ZNF608: variants seen among roughly 807,000 people sequenced by gnomAD.
The protein encoded by ZNF608 is renal carcinoma antigen NY-REN-36.
ZNF608 carries 12 observed loss-of-function variants against 109.0 expected under a neutral mutation model. The observed-to-expected ratio is 0.11, with a 90% confidence interval of 0.07 to 0.18. ZNF608 has a LOEUF of 0.18. Ranked by LOEUF, ZNF608 falls within the 10% of genes least tolerant of loss-of-function variation. The pLI, the probability that ZNF608 is intolerant of heterozygous loss-of-function variation, is 1.00. For synonymous variants in ZNF608, 732 were observed against 717.4 expected (o/e 1.02, Z -0.33); for missense variants, 1,707 against 1,879.3 (o/e 0.91, Z 1.70).
intron 3 of ZNF608, among the ~76,000 whole-genome samples, chr5:124,662,440 A>G (rs1215432621): frequency 6.6e-6 from 1 of 152,250 alleles, no homozygotes; most frequent in Non-Finnish European, 1.5e-5. Context: ...AGTGCTTCGC[A>G]CTGGGGACTA....
At chr5:124,728,651 T>C (rs1044556848) in intron 2 of ZNF608, among the ~76,000 whole-genome samples, 2 of 152,218 alleles carry the variant, frequency 1.3e-5, no homozygotes, top group African/African-American at 4.8e-5. Flanking sequence ...TAATCAAATA[T>C]GACAGCAATT....
chr5:124,661,392 A>G (rs1027094948), intron 3 of ZNF608, among the ~76,000 whole-genome samples: 23 of 151,740 alleles, frequency 1.5e-4, no homozygotes, highest in African/African-American at 5.6e-4. Context: ...TCCAATTCCC[A>G]TCTGGACCCA....
At chr5:124,720,569 G>C (rs1753864087) in intron 2 of ZNF608, among the ~76,000 whole-genome samples, 1 of 152,184 alleles carries the variant, frequency 6.6e-6, no homozygotes, top group African/African-American at 2.4e-5. Flanking sequence ...ATACTGAAAA[G>C]TATACTTTTT....
chr5:124,747,162 T>C (rs552921699), upstream of ZNF608, among the ~76,000 whole-genome samples: 1 of 151,400 alleles, frequency 6.6e-6, no homozygotes, highest in African/African-American at 2.4e-5. Flanking sequence ...ATAAGGTTTT[T>C]GTTTTCTTTT....
At position 124,641,319 on chromosome 5, in the gene ZNF608, G is replaced by T; in HGVS notation, c.4383C>A (p.His1461Gln). 8.1e-6 allele frequency: 13 copies of T among 1,614,054 alleles called. No homozygotes were observed. Among genetic ancestry groups the T allele is most frequent in the Non-Finnish European group, 1.1e-5 (13 of 1,180,038 alleles). ...TGCCAACGTGGGTGTGGTGGTGCGT[G>T]TGCAGGTGCCGCTGGCCGAAGGGGG... is the stretch of plus-strand genomic sequence containing the variant. ...RHSPFGQRHL[H>Q]THHHTHVGMG... Residue 1461 changes from histidine (H) to glutamine (Q), a missense_variant, in exon 8 of 10, where the codon CAC (histidine) becomes CAA (glutamine). By Grantham distance (24) the His-to-Gln change is conservative. Transcript: ENST00000513986.
At chr5:124,717,572 TTAAC>T (rs1753754129) in intron 2 of ZNF608, among the ~76,000 whole-genome samples, 1 of 152,246 alleles carries the variant, frequency 6.6e-6, no homozygotes, top group Non-Finnish European at 1.5e-5. Flanking sequence ...TAAGCAAAGA[TTAAC>T]TAATGTTAGC....
At chr5:124,660,648 G>A (rs1427469757) in intron 3 of ZNF608, among the ~76,000 whole-genome samples, 1 of 152,174 alleles carries the variant, frequency 6.6e-6, no homozygotes, top group African/African-American at 2.4e-5. Flanking sequence ...TTCATCTTGA[G>A]CTAACCTAAA....
At chr5:124,720,896 C>A (rs1753876835) in intron 2 of ZNF608, among the ~76,000 whole-genome samples, 1 of 146,082 alleles carries the variant, frequency 6.8e-6, no homozygotes, top group Admixed American at 7.0e-5. Flanking sequence ...CAAGGTCACA[C>A]CTAAGCTATA....
chr5:124,721,971 A>AAAAAAAAAAAAAAAAAAAAAAAAAC (rs1463656704), intron 2 of ZNF608, among the ~76,000 whole-genome samples: 1 of 145,670 alleles, frequency 6.9e-6, no homozygotes. Context: ...AAAAAAAAAA[A>AAAAAAAAAAAAAAAAAAAAAAAAAC]AGAACTCAAA....
Position 124,647,571 on chromosome 5 carries a change from G to A in ZNF608, c.2813C>T (p.Ala938Val), listed in dbSNP as rs775304494. 38 of 1,614,074 alleles carry A rather than the reference G, an allele frequency of 2.4e-5. No individual in the cohort carries two copies. The highest frequency in any genetic ancestry group is 3.1e-5 in the Non-Finnish European group (36 of 1,180,042). The change falls in exon 5 of 10, where the codon GCC becomes GTC. Residue 938 changes from alanine (A) to valine (V), a missense_variant. By Grantham distance (64) the Ala-to-Val change is moderately conservative. Transcript: ENST00000513986. ...AGCAGCATCAGATATGTCTGAATAG[G>A]CCGGGCTGCTTGTCTTTGCAGCTGA... ...ESSAAKTSSPAYSDISDAADD... is the reference protein window; with the variant it reads ...ESSAAKTSSPVYSDISDAADD...
At position 124,637,667 on chromosome 5, in the gene ZNF608, T is replaced by TA. The variant is rs1561524534; in HGVS notation, c.*232_*233insT. ...CAAAAAGTAAAGAATATATTTATAT[T>TA]TATATATATATATATGTATATATAC... On this transcript the variant is annotated 3_prime_UTR_variant, in exon 10 of 10. Transcript: ENST00000513986. 5 of 174,562 alleles carry TA rather than the reference T, an allele frequency of 2.9e-5. No individual in the cohort carries two copies. The highest frequency in any genetic ancestry group is 7.3e-5 in the African/African-American group (3 of 41,038). 10.8% of individuals were successfully genotyped at this position (174,562 alleles called of 1,614,324 possible). A position where few individuals can be genotyped will look rare whatever the true frequency, so the allele number is the denominator to read the frequency against.
chr5:124,734,053 A>G (rs1749032599), intron 2 of ZNF608, among the ~76,000 whole-genome samples: 2 of 152,208 alleles, frequency 1.3e-5, no homozygotes, highest in South Asian at 4.1e-4. Flanking sequence ...TTACATGTGC[A>G]GTTCTTACTC....
chr5:124,722,690 T>C (rs1334543027), intron 2 of ZNF608, among the ~76,000 whole-genome samples: 1 of 150,876 alleles, frequency 6.6e-6, no homozygotes, highest in African/African-American at 2.4e-5. Context: ...GGGTTGAGGG[T>C]TGGAGAAGAT....
intron 2 of ZNF608, among the ~76,000 whole-genome samples, chr5:124,733,864 T>C (rs1270543450): frequency 2.0e-5 from 3 of 152,192 alleles, no homozygotes; most frequent in Non-Finnish European, 4.4e-5. Context: ...TTAAATAACA[T>C]ATACCCTATA....
At chr5:124,661,545 C>G (rs1365548638) in intron 3 of ZNF608, among the ~76,000 whole-genome samples, 1 of 151,514 alleles carries the variant, frequency 6.6e-6, no homozygotes, top group African/African-American at 2.4e-5. Context: ...GAGACCAGCT[C>G]TTTTCTGTAA....
intron 3 of ZNF608, among the ~76,000 whole-genome samples, chr5:124,692,365 G>T (rs144529896): frequency 2.6e-5 from 4 of 152,266 alleles, no homozygotes; most frequent in Non-Finnish European, 4.4e-5. Context: ...TATGTATGGC[G>T]CACTGACTCT....
intron 3 of ZNF608, among the ~76,000 whole-genome samples, chr5:124,693,922 AT>A (rs148158812): frequency 5.9e-5 from 7 of 119,412 alleles, no homozygotes; most frequent in Admixed American, 1.7e-4. Flanking sequence ...CCTGTCTTCC[AT>A]TTTTTTTTAC....
At chr5:124,676,114 A>G (rs1483054726) in intron 3 of ZNF608, among the ~76,000 whole-genome samples, 2 of 152,228 alleles carry the variant, frequency 1.3e-5, no homozygotes, top group East Asian at 3.8e-4. Flanking sequence ...AATGGTACAT[A>G]TTTATTGAGA....
chr5:124,663,236 T>C (rs916329974), intron 3 of ZNF608, among the ~76,000 whole-genome samples: 1 of 152,210 alleles, frequency 6.6e-6, no homozygotes, highest in African/African-American at 2.4e-5. Flanking sequence ...CCAAAGGCTT[T>C]CCGGTTTTCT....
Sources: gnomAD v4.1 joint callset for allele counts (sites outside exome capture counted in the v4.1 genomes callset) on GRCh38, gnomAD v4.1.1 for gene constraint, MANE v1.5 for transcripts, NCBI Gene and HGNC (gene_info 2026-07-23, HGNC 2026-07-21) for gene names.